TNR: variants seen among roughly 807,000 people sequenced by gnomAD.
TNR encodes the protein tenascin-R.
Under a neutral mutation model 150.4 loss-of-function variants are expected in TNR, and 45 were observed. The ratio of observed to expected loss-of-function variants is 0.30; its 90% CI spans 0.24 to 0.38. TNR has a LOEUF of 0.38. Among genes scored for constraint, TNR ranks in the 10% least tolerant of loss-of-function variants. The probability of loss-of-function intolerance (pLI) is 1.00; values close to 1 mark genes in which losing one functional copy is unlikely to be tolerated. For synonymous variants in TNR, 687 were observed against 678.4 expected (o/e 1.01, Z -0.20); for missense variants, 1,544 against 1,759.1 (o/e 0.88, Z 2.19).
intron 21 of TNR, 130 bp from the exon 22 acceptor site, chr1:175,324,649 C>T: frequency 9.1e-7 from 1 of 1,103,390 alleles, no homozygotes; most frequent in East Asian, 2.4e-5. Flanking sequence ...CCCAGTTTCT[C>T]AGAGTGGCTG....
rs1275997255 is a variant in TNR at position 175,354,482 on chromosome 1, C to T, written c.3291G>A (p.Glu1097=). 6.2e-7 allele frequency: 1 copy of T among 1,614,110 alleles called. No individual in the cohort carries two copies. The highest frequency in any genetic ancestry group is 1.1e-5 in the South Asian group (1 of 91,084). ...VDAEDTWIRL[E]GLLENTDYTV... ...TGTAGTCTGTGTTCTCCAACAGGCC[C>T]TCCAGTCGAATCCAGGTGTCTTCTG... Residue 1097 remains glutamate, a synonymous_variant, in exon 18 of 23, where the codon GAG becomes GAA. Coordinates refer to ENST00000367674, the MANE Select transcript of TNR (RefSeq NM_003285.3).
Position 175,365,251 on chromosome 1 carries a change from A to G in TNR, c.2346T>C (p.Phe782=), listed in dbSNP as rs773813630. The part of the protein sequence containing the change: ...TGFRPISHLH[F]SHVTSSSVNI... ...TCACACTGGAGGAGGTCACATGAGA[A>G]AAGTGCAGATGAGAGATGGGACGGA... The change falls in exon 12 of 23, where the codon TTT becomes TTC. Residue 782 remains phenylalanine, a synonymous_variant. Transcript: ENST00000367674. 6.2e-7 allele frequency: 1 copy of G among 1,612,772 alleles called. No individual in the cohort carries two copies. Among genetic ancestry groups the G allele is most frequent in the Admixed American group, 1.7e-5 (1 of 59,946 alleles).
At chr1:175,387,888 C>A (rs1653008264) in intron 7 of TNR, among the ~76,000 whole-genome samples, 1 of 152,200 alleles carries the variant, frequency 6.6e-6, no homozygotes, top group Non-Finnish European at 1.5e-5. Flanking sequence ...TAGTCCTGTC[C>A]TCTCTTAAGC....
chr1:175,535,728 G>A (rs1213315427), intron 1 of TNR, among the ~76,000 whole-genome samples: 1 of 151,946 alleles, frequency 6.6e-6, no homozygotes, highest in African/African-American at 2.4e-5. Flanking sequence ...TTGGTAATGA[G>A]AAAATAAATA....
chr1:175,600,165 G>C (rs964944697), intron 1 of TNR, among the ~76,000 whole-genome samples: 15 of 152,186 alleles, frequency 9.9e-5, no homozygotes, highest in Non-Finnish European at 8.8e-5. Flanking sequence ...TGTCAGAGAA[G>C]TTCTGCATTT....
chr1:175,623,865 G>C (rs531152448), intron 1 of TNR, among the ~76,000 whole-genome samples: 95 of 152,350 alleles, frequency 6.2e-4, no homozygotes, highest in South Asian at 1.2e-3. Context: ...GGCCCACACT[G>C]GTTACAGGTG....
chr1:175,572,172 G>A (rs1399549511), intron 1 of TNR, among the ~76,000 whole-genome samples: 1 of 152,130 alleles, frequency 6.6e-6, no homozygotes, highest in Non-Finnish European at 1.5e-5. Flanking sequence ...CTCACACCGA[G>A]GTCAGCAGAA....
rs75888947 is a variant in TNR at position 175,616,462 on chromosome 1, G to A, written c.-164-88093C>T. Reference sequence around the variant, plus strand: ...TCTGGGATCCAGACATGTGAAAGTGGCCACCTCTCTGAAGCAGAAATTTGA... The same window carrying A: ...TCTGGGATCCAGACATGTGAAAGTGACCACCTCTCTGAAGCAGAAATTTGA... On this transcript the variant is annotated intron_variant, in intron 1 of 22. Transcript: ENST00000367674. Among the ~76,000 whole-genome samples the A allele has an allele frequency of 7.5e-3, 1,146 of 152,278 alleles. 10 individuals carry two copies. The highest frequency in any genetic ancestry group is 0.025 in the African/African-American group (1,052 of 41,540).
chr1:175,712,768 T>G (rs1885875), intron 1 of TNR, among the ~76,000 whole-genome samples: 51,794 of 151,954 alleles, frequency 0.34, 10,997 homozygotes, highest in East Asian at 0.85. Flanking sequence ...ACCATGATTG[T>G]GAGCTTCCTG....
At chr1:175,426,262 G>A (rs1246248340) in intron 2 of TNR, among the ~76,000 whole-genome samples, 1 of 152,160 alleles carries the variant, frequency 6.6e-6, no homozygotes, top group Non-Finnish European at 1.5e-5. Context: ...GATAATATTA[G>A]CAACATGAGG....
At chr1:175,323,682 G>T (rs1479193628) in intron 22 of TNR, among the ~76,000 whole-genome samples, 2 of 152,208 alleles carry the variant, frequency 1.3e-5, no homozygotes, top group East Asian at 3.8e-4. Flanking sequence ...GGTGGCCTGG[G>T]TCTTTCCAGG....
chr1:175,701,471 C>A (rs79755228), intron 1 of TNR, among the ~76,000 whole-genome samples: 3,244 of 152,334 alleles, frequency 0.021, 111 homozygotes, highest in African/African-American at 0.074. Context: ...AAGTCCTTGG[C>A]TCCTCAACCC....
At chr1:175,732,004 C>A (rs771042886) in intron 1 of TNR, among the ~76,000 whole-genome samples, 1 of 152,186 alleles carries the variant, frequency 6.6e-6, no homozygotes, top group Non-Finnish European at 1.5e-5. Flanking sequence ...CTGCTGTCAT[C>A]TCCATCTCTG....
At chr1:175,339,694 C>G (rs1010381515) in intron 18 of TNR, among the ~76,000 whole-genome samples, 1 of 152,164 alleles carries the variant, frequency 6.6e-6, no homozygotes, top group African/African-American at 2.4e-5. Flanking sequence ...ACTAATAGCC[C>G]CTTTTCCTGA....
intron 1 of TNR, among the ~76,000 whole-genome samples, chr1:175,698,402 A>G (rs1275832673): frequency 1.3e-5 from 2 of 152,184 alleles, no homozygotes; most frequent in African/African-American, 4.8e-5. Context: ...AGAGGGCTCT[A>G]TATAGAGGGG....
At chr1:175,480,145 A>G (rs570145251) in intron 2 of TNR, among the ~76,000 whole-genome samples, 3 of 152,192 alleles carry the variant, frequency 2.0e-5, no homozygotes, top group African/African-American at 4.8e-5. Flanking sequence ...CTCTGGACTG[A>G]TCCTTGGCTC....
At chr1:175,723,027 T>C (rs574949708) in intron 1 of TNR, among the ~76,000 whole-genome samples, 2 of 151,526 alleles carry the variant, frequency 1.3e-5, no homozygotes, top group African/African-American at 4.8e-5. Flanking sequence ...CCTGACCTCA[T>C]GATCTGCCCA....
At chr1:175,597,169 C>A (rs575674526) in intron 1 of TNR, among the ~76,000 whole-genome samples, 1 of 152,102 alleles carries the variant, frequency 6.6e-6, no homozygotes. Flanking sequence ...GACATCCCTG[C>A]GAGGCAGGTG....
At chr1:175,524,411 G>A (rs1260489128) in intron 2 of TNR, among the ~76,000 whole-genome samples, 2 of 151,978 alleles carry the variant, frequency 1.3e-5, no homozygotes, top group Admixed American at 6.6e-5. Context: ...GAAATCAAGG[G>A]AAAGCTTTTT....
Sources: allele counts gnomAD v4.1 joint callset (sites outside exome capture counted in the v4.1 genomes callset), GRCh38; gene constraint gnomAD v4.1.1; transcripts MANE v1.5; gene names NCBI Gene and HGNC (gene_info 2026-07-23, HGNC 2026-07-21).